C5orf34: variants seen among roughly 807,000 people sequenced by gnomAD.
C5orf34 encodes the protein uncharacterized protein C5orf34.
C5orf34 carries 73 observed loss-of-function variants against 78.4 expected under a neutral mutation model. The observed-to-expected ratio is 0.93, with a 90% confidence interval of 0.77 to 1.13. The LOEUF (loss-of-function observed/expected upper bound fraction) is 1.13, where lower values mean the gene tolerates loss of function less well. C5orf34 is among the 50% of genes most tolerant of loss of function. The probability of loss-of-function intolerance (pLI) is 0.00; values close to 1 mark genes in which losing one functional copy is unlikely to be tolerated. For missense variants in C5orf34, 730 were observed against 732.7 expected, an observed-to-expected ratio of 1.00 and a Z score of 0.04; for synonymous variants, 251 against 246.6, an observed-to-expected ratio of 1.02 and a Z score of -0.17.
At chr5:43,511,213 C>T in intron 1 of C5orf34, 2 of 173,850 alleles carry the variant, frequency 1.2e-5, no homozygotes, top group Non-Finnish European at 2.4e-5. Context: ...GGCAGCCGAC[C>T]CGTCTGAGAA....
At position 43,487,953 on chromosome 5, in the gene C5orf34, T is replaced by A; in HGVS notation, c.1680-4A>T. 6.2e-7 allele frequency: 1 copy of A among 1,601,494 alleles called. No individual in the cohort carries two copies. The highest frequency in any genetic ancestry group is 1.1e-5 in the South Asian group (1 of 89,644). ...TTCAAGTTCAGAAGCAACAGACCTGTCCAAGGAAAAAGAAAAAATTCATTC... is the reference window on the plus strand; with the variant it reads ...TTCAAGTTCAGAAGCAACAGACCTGACCAAGGAAAAAGAAAAAATTCATTC... On this transcript the variant is annotated splice_region_variant and splice_polypyrimidine_tract_variant and intron_variant, in intron 11 of 12. Transcript: ENST00000306862.
At position 43,509,251 on chromosome 5, in the gene C5orf34, C is replaced by G; in HGVS notation, c.89G>C (p.Cys30Ser). The change falls in exon 2 of 13, where the codon TGT (cysteine) becomes TCT (serine). Residue 30 changes from cysteine to serine, a missense_variant. Physicochemically the swap from Cys to Ser is moderately radical, Grantham distance 112. Coordinates refer to ENST00000306862, the MANE Select transcript of C5orf34 (RefSeq NM_198566.4). ...VDGSTLQLSPCGSEFLFEKSP... is the reference protein window; with the variant it reads ...VDGSTLQLSPSGSEFLFEKSP... ...CTTTTCAAATAAAAATTCAGAGCCA[C>G]AGGGAGAAAGTTGCAATGTGGAACC... 1 of 1,614,112 alleles carries G rather than the reference C, an allele frequency of 6.2e-7. No individual in the cohort carries two copies.
intron 1 of C5orf34, among the ~76,000 whole-genome samples, chr5:43,510,505 G>A (rs913616632): frequency 2.2e-4 from 33 of 152,200 alleles, no homozygotes; most frequent in Admixed American, 1.7e-3. Flanking sequence ...AAGCTGGACT[G>A]TACTGCTGCC....
intron 6 of C5orf34, among the ~76,000 whole-genome samples, chr5:43,501,780 A>C (rs1298643676): frequency 6.6e-6 from 1 of 152,224 alleles, no homozygotes; most frequent in African/African-American, 2.4e-5. Context: ...TTGTTCTAGC[A>C]TGCAAAGTAG....
intron 6 of C5orf34, among the ~76,000 whole-genome samples, chr5:43,501,531 A>G (rs941848263): frequency 2.0e-5 from 3 of 152,230 alleles, no homozygotes; most frequent in Non-Finnish European, 2.9e-5. Flanking sequence ...GAAGAAAACA[A>G]TATTTGGTTG....
rs1745351498 is a variant in C5orf34 at position 43,493,049 on chromosome 5, A to C, written c.1315-159T>G. 2.0e-5 allele frequency among the ~76,000 whole-genome samples: 3 copies of C among 152,038 alleles called. No individual in the cohort carries two copies. The South Asian group carries it at 6.2e-4, about 31-fold the overall frequency. On this transcript the variant is annotated intron_variant, in intron 8 of 12. Coordinates refer to ENST00000306862, the MANE Select transcript of C5orf34 (RefSeq NM_198566.4). ...TTTTCCAGAAGTGGATACCCAAAAC[A>C]GTCTTTTTTTCAAGCAGATTCAGTT... is the stretch of plus-strand genomic sequence containing the variant.
In C5orf34 at chr5:43,493,544, AT is replaced by A; in HGVS notation, c.1312del (p.Met438TrpfsTer5). On this transcript the variant is annotated frameshift_variant and splice_region_variant, in exon 8 of 13. Transcript: ENST00000306862. LOFTEE classifies it high-confidence loss of function. Reference sequence around the variant, plus strand: ...GCTTTTAAAATAATTTTAACATACCATTTTCCAGCAGCATATACGATAGTTA... The same window carrying A: ...GCTTTTAAAATAATTTTAACATACCATTTCCAGCAGCATATACGATAGTTA... ...SHNYRICCWK[M>X]VPGINDSNIL... 3 of 1,524,364 alleles carry A rather than the reference AT, an allele frequency of 2.0e-6. No homozygotes were observed. Among genetic ancestry groups the A allele is most frequent in the Non-Finnish European group, 2.7e-6 (3 of 1,109,856 alleles). 94.4% of individuals were successfully genotyped at this position (1,524,364 alleles called of 1,614,324 possible).
In C5orf34 at chr5:43,506,050, C is replaced by G. The variant is rs990488447; in HGVS notation, c.630G>C (p.Lys210Asn). 4 of 1,614,162 alleles carry G rather than the reference C, an allele frequency of 2.5e-6. No individual in the cohort carries two copies. The East Asian group carries it at 8.9e-5, about 36-fold the overall frequency. The change falls in exon 4 of 13, where the codon AAG (lysine) becomes AAC (asparagine). Residue 210 changes from lysine to asparagine, a missense_variant. Physicochemically the swap from Lys to Asn is moderately conservative, Grantham distance 94. Coordinates refer to ENST00000306862, the MANE Select transcript of C5orf34 (RefSeq NM_198566.4). ...CQIMKSKETL[K>N]KMSCVNGTEG... is the part of the protein sequence containing the mutation. ...CAGTTCCATTTACACAACTCATCTTCTTTAAAGTTTCTTTGGATTTCATGA... is the reference window on the plus strand; with the variant it reads ...CAGTTCCATTTACACAACTCATCTTGTTTAAAGTTTCTTTGGATTTCATGA...
At chr5:43,499,366 A>G (rs1216271085) in intron 6 of C5orf34, among the ~76,000 whole-genome samples, 2 of 152,264 alleles carry the variant, frequency 1.3e-5, no homozygotes, top group Non-Finnish European at 2.9e-5. Context: ...TTGTTTCTGG[A>G]GCCTCAAACA....
At position 43,487,056 on chromosome 5, in the gene C5orf34, T is replaced by C. The variant is rs760221047; in HGVS notation, c.1776A>G (p.Gln592=). The C allele has an allele frequency of 5.1e-5, 80 of 1,570,728 alleles. No individual in the cohort carries two copies. The highest frequency in any genetic ancestry group is 6.5e-5 in the Non-Finnish European group (76 of 1,161,474). Reference sequence around the variant, plus strand: ...CTGGTTTATAATGATCAAAAGACTGTTGTTCATTTTTCTTGTTAGAAATCT... The same window carrying C: ...CTGGTTTATAATGATCAAAAGACTGCTGTTCATTTTTCTTGTTAGAAATCT... ...LNQISNKKNE[Q]QSFDHYKPGS... The change falls in exon 13 of 13, where the codon CAA becomes CAG. Residue 592 remains glutamine, a synonymous_variant. Transcript: ENST00000306862.
chr5:43,507,033 A>G (rs924347156), intron 3 of C5orf34, among the ~76,000 whole-genome samples: 2 of 152,242 alleles, frequency 1.3e-5, no homozygotes, highest in Non-Finnish European at 2.9e-5. Context: ...TTGCAGGGTT[A>G]TCACATGAAC....
At chr5:43,490,073 C>T (rs1168696468) in intron 11 of C5orf34, among the ~76,000 whole-genome samples, 1 of 152,086 alleles carries the variant, frequency 6.6e-6, no homozygotes, top group Non-Finnish European at 1.5e-5. Flanking sequence ...ATCCTTTTTA[C>T]TTCTGCCCTT....
chr5:43,501,594 G>C (rs781538881), intron 6 of C5orf34, among the ~76,000 whole-genome samples: 4 of 152,140 alleles, frequency 2.6e-5, no homozygotes, highest in Non-Finnish European at 4.4e-5. Context: ...AAGTATAAAT[G>C]AACAAGATGG....
intron 3 of C5orf34, among the ~76,000 whole-genome samples, chr5:43,507,101 CTA>C (rs1746014663): frequency 6.6e-6 from 1 of 152,110 alleles, no homozygotes; most frequent in African/African-American, 2.4e-5. Flanking sequence ...ACACCATACA[CTA>C]AAATAAATTT....
At chr5:43,505,648 TA>T in intron 4 of C5orf34, 99 bp downstream of exon 4, 1 of 1,311,634 alleles carries the variant, frequency 7.6e-7, no homozygotes, top group East Asian at 2.4e-5. Context: ...TTGGATGAGA[TA>T]AACTTTCCTT....
intron 6 of C5orf34, chr5:43,495,166 T>G (rs1579860535): frequency 1.2e-6 from 2 of 1,610,016 alleles, no homozygotes; most frequent in East Asian, 2.2e-5. Context: ...CCACCGCAAC[T>G]GTCTGTCTCA....
At chr5:43,494,948 C>T (rs573719034) in intron 6 of C5orf34, 12 of 794,820 alleles carry the variant, frequency 1.5e-5, no homozygotes, top group South Asian at 5.2e-5. Flanking sequence ...GAAGGTTTTA[C>T]GATGCATTGT....
At chr5:43,499,291 T>C (rs1745664514) in intron 6 of C5orf34, among the ~76,000 whole-genome samples, 1 of 152,208 alleles carries the variant, frequency 6.6e-6, no homozygotes, top group East Asian at 1.9e-4. Context: ...TACCTCCATC[T>C]GTCTTTTGTA....
chr5:43,499,070 A>G (rs1745657349), intron 6 of C5orf34, among the ~76,000 whole-genome samples: 1 of 152,242 alleles, frequency 6.6e-6, no homozygotes, highest in Non-Finnish European at 1.5e-5. Flanking sequence ...AAGAACATAC[A>G]TCATTAAGAA....
Sources: gnomAD v4.1 joint callset for allele counts (sites outside exome capture counted in the v4.1 genomes callset) on GRCh38, gnomAD v4.1.1 for gene constraint, MANE v1.5 for transcripts, NCBI Gene and HGNC (gene_info 2026-07-23, HGNC 2026-07-21) for gene names.